Variants in CS observed in about 807,000 individuals in gnomAD.
CS encodes citrate synthase, mitochondrial.
Under a neutral mutation model 61.4 loss-of-function variants are expected in CS, and 13 were observed. That is an observed-to-expected ratio of 0.21 (90% CI 0.14 to 0.34). CS has a LOEUF of 0.34. Ranked by LOEUF, CS falls within the 10% of genes least tolerant of loss-of-function variation. The pLI is 1.00. For synonymous variants in CS, 159 were observed against 215.2 expected, an observed-to-expected ratio of 0.74 and a Z score of 2.29; for missense variants, 278 against 573.4, an observed-to-expected ratio of 0.48 and a Z score of 5.26.
intron 1 of CS, among the ~76,000 whole-genome samples, chr12:56,298,020 C>T (rs977205481): frequency 6.1e-5 from 9 of 146,764 alleles, no homozygotes; most frequent in African/African-American, 2.0e-4. Context: ...CTCTTTGAAA[C>T]GGAGTTTCGC....
At chr12:56,274,701 A>C in intron 9 of CS, 76 bp downstream of exon 9, 1 of 1,199,930 alleles carries the variant, frequency 8.3e-7, no homozygotes, top group Non-Finnish European at 1.2e-6. Context: ...GACCTCTTTC[A>C]TTCTTTTCTT....
intron 7 of CS, 140 bp from the exon 8 acceptor site, chr12:56,275,271 T>A: frequency 1.0e-6 from 1 of 991,458 alleles, no homozygotes; most frequent in Non-Finnish European, 1.5e-6. Flanking sequence ...ACCTAAACTC[T>A]TGTAAAAGAC....
intron 1 of CS, among the ~76,000 whole-genome samples, chr12:56,295,840 G>C (rs532189906): frequency 4.7e-5 from 7 of 149,070 alleles, no homozygotes; most frequent in Non-Finnish European, 7.4e-5. Context: ...TACAGTCCCA[G>C]CTACTCAGGA....
chr12:56,276,242 A>G, intron 6 of CS, 47 bp from the exon 7 acceptor site: 1 of 1,582,558 alleles, frequency 6.3e-7, no homozygotes, highest in Non-Finnish European at 8.7e-7. Flanking sequence ...AATTATCAGC[A>G]AAGAAGAATT....
intron 6 of CS, among the ~76,000 whole-genome samples, chr12:56,278,234 G>A (rs1346681400): frequency 1.3e-5 from 2 of 152,140 alleles, no homozygotes; most frequent in African/African-American, 2.4e-5. Flanking sequence ...GGGTTCAAGC[G>A]ATTCTTGTGC....
intron 6 of CS, among the ~76,000 whole-genome samples, chr12:56,277,693 C>T (rs1472074916): frequency 1.7e-4 from 25 of 144,626 alleles, no homozygotes; most frequent in African/African-American, 3.1e-4. Context: ...TACAGTGGCG[C>T]GATCTCGGCT....
chr12:56,291,987 A>G lies in CS; in HGVS notation c.43-5342T>C, dbSNP rs77960837. On this transcript the variant is annotated intron_variant, in intron 1 of 10. Coordinates refer to ENST00000351328, the MANE Select transcript of CS (RefSeq NM_004077.3). ...CTCTAGTGAGTCAGCTATTATTGAT[A>G]GAGGTGGGCTGTAGCCCTCAAATGT... Among the ~76,000 whole-genome samples the G allele has an allele frequency of 4.4e-3, 669 of 152,338 alleles. 7 individuals are homozygous for G. The highest frequency in any genetic ancestry group is 6.8e-3 in the Middle Eastern group (2 of 294).
intron 6 of CS, among the ~76,000 whole-genome samples, chr12:56,276,620 C>A (rs1803880347): frequency 1.3e-5 from 2 of 152,322 alleles, no homozygotes; most frequent in African/African-American, 2.4e-5. Flanking sequence ...TAGCTCACTG[C>A]AACCTCCGCC....
intron 1 of CS, chr12:56,291,285 G>A (rs1454427798): frequency 8.6e-6 from 9 of 1,047,628 alleles, no homozygotes; most frequent in Non-Finnish European, 1.0e-5. Context: ...TGAGGCAGAG[G>A]TGAATGGATA....
chr12:56,275,770 C>T (rs915493571), intron 7 of CS: 17 of 565,616 alleles, frequency 3.0e-5, no homozygotes, highest in Non-Finnish European at 5.0e-5. Flanking sequence ...TACCTTTTCC[C>T]AGCCAGAAGC....
At chr12:56,294,441 T>G (rs893551898) in intron 1 of CS, among the ~76,000 whole-genome samples, 1 of 114,206 alleles carries the variant, frequency 8.8e-6, no homozygotes, top group Non-Finnish European at 1.6e-5. Context: ...GCCACTGTAC[T>G]CCAGCCTGGG....
rs1334451202 is a variant in CS at position 56,279,271 on chromosome 12, T to C, written c.589-3076A>G. On this transcript the variant is annotated intron_variant, in intron 6 of 10. Transcript: ENST00000351328. Reference sequence around the variant, plus strand: ...GATTACACTATTCATCTAGAGTTAATGGAAATTATTATAGAAGAAATGTTC... The same window carrying C: ...GATTACACTATTCATCTAGAGTTAACGGAAATTATTATAGAAGAAATGTTC... Among the ~76,000 whole-genome samples the C allele has an allele frequency of 2.0e-5, 3 of 152,222 alleles. No individual in the cohort carries two copies. In the East Asian group the frequency reaches 5.8e-4, roughly 29 times the overall value.
chr12:56,284,701 A>C (rs1337063589), intron 3 of CS, among the ~76,000 whole-genome samples: 3,794 of 147,952 alleles, frequency 0.026, 77 homozygotes, highest in Middle Eastern at 0.069. Context: ...GGATATCGAG[A>C]CATCCTGGCC....
chr12:56,296,041 A>G (rs899492066), intron 1 of CS, among the ~76,000 whole-genome samples: 1 of 151,262 alleles, frequency 6.6e-6, no homozygotes, highest in African/African-American at 2.4e-5. Context: ...ACTTTTCCAG[A>G]TCCCATCCTA....
chr12:56,280,428 A>AAAAAC (rs1555162634), intron 6 of CS, among the ~76,000 whole-genome samples: 1 of 144,708 alleles, frequency 6.9e-6, no homozygotes, highest in Non-Finnish European at 1.5e-5. Context: ...AAAAAAACAA[A>AAAAAC]AAAAAAAAAC....
chr12:56,280,142 G>A (rs893130715), intron 6 of CS, among the ~76,000 whole-genome samples: 15 of 151,978 alleles, frequency 9.9e-5, no homozygotes, highest in African/African-American at 3.4e-4. Flanking sequence ...AAGGCCAGGC[G>A]TGGTGGCTTA....
chr12:56,275,889 T>G (rs1872612439), intron 7 of CS, 107 bp downstream of exon 7: 2 of 985,536 alleles, frequency 2.0e-6, no homozygotes, highest in South Asian at 3.0e-5. Flanking sequence ...TTCTGTCTTC[T>G]TGCTGCCTAT....
At chr12:56,282,392 C>T (rs1355945096) in intron 6 of CS, 28 bp downstream of exon 6, 8 of 1,537,366 alleles carry the variant, frequency 5.2e-6, no homozygotes, top group South Asian at 1.3e-5. Context: ...CCCCATCACA[C>T]ACCGATCACC....
At chr12:56,293,454 C>T (rs533392103) in intron 1 of CS, among the ~76,000 whole-genome samples, 5 of 152,316 alleles carry the variant, frequency 3.3e-5, no homozygotes, top group African/African-American at 9.6e-5. Context: ...CGGTGGCTCA[C>T]GCCTGTAATC....
Sources: gnomAD v4.1 joint callset for allele counts (sites outside exome capture counted in the v4.1 genomes callset) on GRCh38, gnomAD v4.1.1 for gene constraint, MANE v1.5 for transcripts, NCBI Gene and HGNC (gene_info 2026-07-23, HGNC 2026-07-21) for gene names.